The following CNTNAP5 variants were observed in gnomAD, a reference collection of about 807,000 sequenced individuals.
CNTNAP5 encodes the protein contactin associated protein family member 5, also known as contactin-associated protein-like 5.
Under a neutral mutation model 150.2 loss-of-function variants are expected in CNTNAP5, and 72 were observed. That is an observed-to-expected ratio of 0.48 (90% CI 0.40 to 0.58). CNTNAP5 has a LOEUF of 0.58. Ranked by LOEUF, CNTNAP5 falls within the 20% of genes least tolerant of loss-of-function variation. CNTNAP5 has a pLI of 0.00. For synonymous variants in CNTNAP5, 672 were observed against 619.8 expected (o/e 1.08, Z -1.25); for missense variants, 1,636 against 1,626.2 (o/e 1.01, Z -0.10).
Position 124,221,789 on chromosome 2 carries a change from C to T in CNTNAP5, c.167C>T (p.Ala56Val), listed in dbSNP as rs1237174392. The T allele has an allele frequency of 1.2e-6, 2 of 1,608,372 alleles. No homozygotes were observed. The highest frequency in any genetic ancestry group is 1.1e-5 in the South Asian group (1 of 90,046). ...GACCTCACTGGCACTCACAGCCCAG[C>T]TCAACTCAACTGGAGAGTTGGTAAG... ...SSDLTGTHSP[A>V]QLNWRVGTGG... Residue 56 changes from alanine to valine, a missense_variant, in exon 2 of 24, where the codon GCT (alanine) becomes GTT (valine). Physicochemically the swap from Ala to Val is moderately conservative, Grantham distance 64 (BLOSUM62 0). Transcript: ENST00000682447.
At chr2:124,767,066 C>T (rs181266329) in intron 16 of CNTNAP5, among the ~76,000 whole-genome samples, 6 of 152,260 alleles carry the variant, frequency 3.9e-5, no homozygotes, top group East Asian at 3.9e-4. Flanking sequence ...ACTCATATTA[C>T]GCATTTTAGG....
intron 1 of CNTNAP5, among the ~76,000 whole-genome samples, chr2:124,145,811 T>TAAAAAAAAAAAAAAAAAAAAAAAAAAAAA (rs761766577): frequency 9.4e-4 from 12 of 12,776 alleles, no homozygotes; most frequent in South Asian, 1.9e-3. Context: ...AAAAAAAACA[T>TAAAAAAAAAAAAAAAAAAAAAAAAAAAAA]TAAAAAAAAA....
intron 3 of CNTNAP5, among the ~76,000 whole-genome samples, chr2:124,398,611 C>T (rs1054253832): frequency 5.3e-5 from 8 of 152,070 alleles, no homozygotes; most frequent in Non-Finnish European, 1.5e-5. Context: ...ATTCTCCTGC[C>T]TCAGCCTTTG....
At chr2:124,175,995 T>A (rs1229123538) in intron 1 of CNTNAP5, among the ~76,000 whole-genome samples, 2 of 152,218 alleles carry the variant, frequency 1.3e-5, no homozygotes, top group Non-Finnish European at 2.9e-5. Context: ...GAATTTTCAC[T>A]CTTATAAATT....
intron 13 of CNTNAP5, among the ~76,000 whole-genome samples, chr2:124,669,273 T>A (rs1444167761): frequency 6.6e-6 from 1 of 152,204 alleles, no homozygotes; most frequent in Non-Finnish European, 1.5e-5. Context: ...CTTATCAAAG[T>A]TTCATCAAGC....
chr2:124,889,143 G>A (rs1387789817), intron 21 of CNTNAP5, among the ~76,000 whole-genome samples: 2 of 137,774 alleles, frequency 1.5e-5, no homozygotes, highest in Admixed American at 8.2e-5. Flanking sequence ...CAGGCACCCA[G>A]GCTGGAGTGC....
rs188156334 is a variant in CNTNAP5 at position 124,298,880 on chromosome 2, C to G, written c.381+56487C>G. ...TAATGTTTAACTTAACCACTTAGTG[C>G]TGAAACAATTGTTCTAGAGGCCTGA... On this transcript the variant is annotated intron_variant, in intron 3 of 23. Transcript: ENST00000682447. Among the ~76,000 whole-genome samples the G allele has an allele frequency of 3.2e-3, 486 of 152,220 alleles. 4 individuals carry two copies. The highest frequency in any genetic ancestry group is 0.011 in the African/African-American group (471 of 41,536).
In CNTNAP5 at chr2:124,671,388, G is replaced by GCATGGTCTT. The variant is rs1300633276; in HGVS notation, c.2077+23431_2077+23439dup. Among the ~76,000 whole-genome samples the GCATGGTCTT allele has an allele frequency of 5.3e-5, 8 of 152,232 alleles. No individual in the cohort carries two copies. In the East Asian group the frequency reaches 1.4e-3, roughly 26 times the overall value. ...TGAGCTGAGTGACATTATAGCAATGGCATGGTCTTTCTGAACCACAGTTTT... is the reference window on the plus strand; with the variant it reads ...TGAGCTGAGTGACATTATAGCAATGGCATGGTCTTCATGGTCTTTCTGAACCACAGTTTT... On this transcript the variant is annotated intron_variant, in intron 13 of 23. Coordinates refer to ENST00000682447, the MANE Select transcript of CNTNAP5 (RefSeq NM_001367498.1).
At position 124,763,813 on chromosome 2, in the gene CNTNAP5, C is replaced by T. The variant is rs369310119; in HGVS notation, c.2362+14C>T. ...GCTATGGTGACCGTGAGTACAAAAT[C>T]GAAAGAAGCTTTCTCTCTGCATTAC... On this transcript the variant is annotated intron_variant, in intron 15 of 23. Coordinates refer to ENST00000682447, the MANE Select transcript of CNTNAP5 (RefSeq NM_001367498.1). The T allele has an allele frequency of 4.0e-5, 65 of 1,612,322 alleles. No individual in the cohort carries two copies. Among genetic ancestry groups the T allele is most frequent in the East Asian group, 1.3e-4 (6 of 44,718 alleles).
chr2:124,289,287 A>T (rs1688227306), intron 3 of CNTNAP5, among the ~76,000 whole-genome samples: 1 of 152,216 alleles, frequency 6.6e-6, no homozygotes, highest in African/African-American at 2.4e-5. Context: ...TCTAATAAAG[A>T]TTGTTTTTAA....
chr2:124,485,631 A>AAAAAAAAAAAAAAAAAAAAGAAGAAG lies in CNTNAP5; in HGVS notation c.1062+10752_1062+10753insAAAAAAAAAAAAAAAAGAAGAAGAAA, dbSNP rs1457112306. On this transcript the variant is annotated intron_variant, in intron 7 of 23. Transcript: ENST00000682447. The stretch of plus-strand genomic sequence containing the variant: ...CTGTCTCAAAAAAAAAAAAAAAAAA[A>AAAAAAAAAAAAAAAAAAAAGAAGAAG]AAAGAAGAAGGTGCATTTACCGGGG... Among the ~76,000 whole-genome samples the AAAAAAAAAAAAAAAAAAAAGAAGAAG allele has an allele frequency of 2.1e-3, 285 of 134,014 alleles. 12 individuals are homozygous for AAAAAAAAAAAAAAAAAAAAGAAGAAG. Among genetic ancestry groups the AAAAAAAAAAAAAAAAAAAAGAAGAAG allele is most frequent in the Admixed American group, 5.3e-3 (64 of 12,166 alleles). 87.9% of individuals were successfully genotyped at this position (134,014 alleles called of 152,430 possible).
intron 8 of CNTNAP5, among the ~76,000 whole-genome samples, chr2:124,520,749 G>A (rs6722179): frequency 0.26 from 39,818 of 151,804 alleles, 5,569 homozygotes; most frequent in South Asian, 0.5. Flanking sequence ...AGACATTCTC[G>A]GCCTAAAAGG....
Position 124,524,310 on chromosome 2 carries a change from C to A in CNTNAP5, c.1335C>A (p.Asn445Lys). ...ERVAEILTGS[N>K]LNDGLWHSVS... is the part of the protein sequence containing the mutation. ...CTCTTGTTTCTCTTGCAGGCAGCAA[C>A]TTGAATGATGGCCTGTGGCACTCGG... The change falls in exon 9 of 24, where the codon AAC becomes AAA. Residue 445 changes from asparagine to lysine, a missense_variant. Asn to Lys is a moderately conservative substitution (Grantham distance 94). Coordinates refer to ENST00000682447, the MANE Select transcript of CNTNAP5 (RefSeq NM_001367498.1). 6.2e-7 allele frequency: 1 copy of A among 1,613,798 alleles called. No individual in the cohort carries two copies. Among genetic ancestry groups the A allele is most frequent in the Non-Finnish European group, 8.5e-7 (1 of 1,179,796 alleles).
At chr2:124,246,080 T>C (rs1315544265) in intron 3 of CNTNAP5, among the ~76,000 whole-genome samples, 2 of 152,062 alleles carry the variant, frequency 1.3e-5, no homozygotes, top group Non-Finnish European at 2.9e-5. Flanking sequence ...CCTGGTCTTC[T>C]GCGGACCCTC....
intron 3 of CNTNAP5, among the ~76,000 whole-genome samples, chr2:124,395,922 G>A (rs1691230840): frequency 6.6e-6 from 1 of 152,118 alleles, no homozygotes; most frequent in Non-Finnish European, 1.5e-5. Context: ...AAGTGGGAGA[G>A]CAATGACTAA....
At chr2:124,216,015 TC>T (rs146345298) in intron 1 of CNTNAP5, among the ~76,000 whole-genome samples, 1 of 151,838 alleles carries the variant, frequency 6.6e-6, no homozygotes, top group Non-Finnish European at 1.5e-5. Flanking sequence ...CTCCCTAAGC[TC>T]CCCCCAAACC....
chr2:124,552,180 C>G lies in CNTNAP5; in HGVS notation c.1650-11037C>G, dbSNP rs1253541998. 5.3e-5 allele frequency among the ~76,000 whole-genome samples: 8 copies of G among 152,244 alleles called. No individual in the cohort carries two copies. The East Asian group carries it at 1.5e-3, about 29-fold the overall frequency. ...AATCCAAAGGAGCAAAGGCCCTCCC[C>G]ATTTAATTTGATTTCTAGAGTTTGA... On this transcript the variant is annotated intron_variant, in intron 10 of 23. Transcript: ENST00000682447.
At chr2:124,616,593 G>A (rs1426966678) in intron 12 of CNTNAP5, among the ~76,000 whole-genome samples, 1 of 152,154 alleles carries the variant, frequency 6.6e-6, no homozygotes, top group Non-Finnish European at 1.5e-5. Flanking sequence ...TTTTCTTCAA[G>A]AACTTTTCCT....
At chr2:124,025,902 G>C (rs1680874490) in intron 1 of CNTNAP5, among the ~76,000 whole-genome samples, 170 bp downstream of exon 1, 1 of 152,152 alleles carries the variant, frequency 6.6e-6, no homozygotes, top group African/African-American at 2.4e-5. Flanking sequence ...AGTTAGTAGA[G>C]CTCAAATGAG....
Sources: allele counts gnomAD v4.1 joint callset (sites outside exome capture counted in the v4.1 genomes callset), GRCh38; gene constraint gnomAD v4.1.1; transcripts MANE v1.5; gene names NCBI Gene and HGNC (gene_info 2026-07-23, HGNC 2026-07-21).